CASK: variants seen among roughly 807,000 people sequenced by gnomAD.
CASK encodes calcium/calmodulin dependent serine protein kinase, also known as peripheral plasma membrane protein CASK.
A neutral mutation model predicts 82.9 loss-of-function variants in CASK; 4 were observed. That is an observed-to-expected ratio of 0.05 (90% CI 0.02 to 0.11). The LOEUF is 0.11. Ranked by LOEUF, CASK falls within the 10% of genes least tolerant of loss-of-function variation. The pLI, the probability that CASK is intolerant of heterozygous loss-of-function variation, is 1.00. For missense variants in CASK, 358 were observed against 720.9 expected (o/e 0.50, Z 5.76); for synonymous variants, 259 against 253.5 (o/e 1.02, Z -0.20).
At chrX:41,756,224 C>A (rs888571805) in intron 3 of CASK, among the ~76,000 whole-genome samples, 3 of 111,968 alleles carry the variant, frequency 2.7e-5, no homozygotes, top group African/African-American at 9.7e-5. Context: ...GGACAGACAA[C>A]AGCACAGTAG....
In CASK at chrX:41,892,222, A is replaced by AT. The variant is rs753034665; in HGVS notation, c.59+30707dup. On this transcript the variant is annotated intron_variant, in intron 1 of 26. Coordinates refer to ENST00000378163, the MANE Select transcript of CASK (RefSeq NM_001367721.1). ...AAAGACACAAAATAGTTCAACGAGA[A>AT]TTTTTTTTTTTTTTTTTTTGGCCAA... Among the ~76,000 whole-genome samples the AT allele has an allele frequency of 5.5e-3, 492 of 90,218 alleles. 1 individual carries two copies. The highest frequency in any genetic ancestry group is 0.016 in the East Asian group (46 of 2,946). 78.3% of individuals were successfully genotyped at this position (90,218 alleles called of 115,157 possible). A position where few individuals can be genotyped will look rare whatever the true frequency, so the allele number is the denominator to read the frequency against.
At chrX:41,812,312 C>G (rs1289914835) in intron 2 of CASK, among the ~76,000 whole-genome samples, 3 of 111,799 alleles carry the variant, frequency 2.7e-5, no homozygotes, top group Admixed American at 9.5e-5. Context: ...GACCAATATC[C>G]CTGATGAACA....
chrX:41,589,941 T>C lies in CASK; in HGVS notation c.1156-349A>G, dbSNP rs2065718185. ...ATGAATACAGAGTAAAATGAAAGAA[T>C]GCTTTCTGGCCAAGGCACGTCTACA... is the stretch of plus-strand genomic sequence containing the variant. On this transcript the variant is annotated intron_variant, in intron 12 of 26. Transcript: ENST00000378163. 8 of 205,542 alleles carry C rather than the reference T, an allele frequency of 3.9e-5. No individual in the cohort carries two copies. The South Asian group carries it at 5.9e-4, about 15-fold the overall frequency. The allele number at this position is 205,542 out of a possible 1,213,427, so 16.9% of individuals were successfully genotyped here. A position where few individuals can be genotyped will look rare whatever the true frequency, so the allele number is the denominator to read the frequency against.
intron 5 of CASK, among the ~76,000 whole-genome samples, chrX:41,733,450 T>C (rs2068439985): frequency 9.0e-6 from 1 of 111,475 alleles, no homozygotes; most frequent in Admixed American, 9.6e-5. Flanking sequence ...AATGTTAATA[T>C]AATAATAAAG....
At chrX:41,696,685 G>C (rs776900804) in intron 5 of CASK, 1 of 1,208,721 alleles carries the variant, frequency 8.3e-7, no homozygotes, top group East Asian at 3.0e-5. Context: ...GGTGAACCAA[G>C]TAGGAGTGAA....
At chrX:41,761,812 T>C (rs1602584295) in intron 3 of CASK, among the ~76,000 whole-genome samples, 1 of 112,218 alleles carries the variant, frequency 8.9e-6, no homozygotes, top group Non-Finnish European at 1.9e-5. Context: ...ACTCTTTACA[T>C]AGACAAAAGC....
intron 2 of CASK, among the ~76,000 whole-genome samples, chrX:41,821,171 CA>C (rs971836100): frequency 9.0e-6 from 1 of 111,516 alleles, no homozygotes. Flanking sequence ...AACATATTTG[CA>C]ATATGTATAT....
Position 41,557,042 on chromosome X carries a change from T to C in CASK, c.1796A>G (p.Asn599Ser). The C allele has an allele frequency of 8.3e-7, 1 of 1,208,157 alleles. No individual in the cohort carries two copies. Among genetic ancestry groups the C allele is most frequent in the South Asian group, 1.8e-5 (1 of 56,904 alleles). Residue 599 changes from asparagine (N) to serine (S), a missense_variant, in exon 19 of 27, where the codon AAT becomes AGT. By Grantham distance (46) the Asn-to-Ser change is conservative. This residue lies in a region of CASK where 41 missense variants were observed against 39.4 expected (regional missense o/e 1.04). Transcript: ENST00000378163. ...SPANGHSSTN[N>S]SVSDLPSTTQ... ...AGCTAAAGTTCTTACCGAAACAGAA[T>C]TGTTAGTGCTGCTATGACCATTAGC... is the stretch of plus-strand genomic sequence containing the variant.
At chrX:41,612,846 T>C (rs1243325065) in intron 11 of CASK, among the ~76,000 whole-genome samples, 1 of 83,444 alleles carries the variant, frequency 1.2e-5, no homozygotes. Flanking sequence ...GAGGAGCCCC[T>C]CTGCCTGGCC....
chrX:41,915,990 A>AACACACACACACACACAC (rs200862362), intron 1 of CASK, among the ~76,000 whole-genome samples: 1 of 105,248 alleles, frequency 9.5e-6, no homozygotes, highest in Non-Finnish European at 2.0e-5. Context: ...TCCGTCTCAA[A>AACACACACACACACACAC]ACACACACAC....
At chrX:41,560,089 T>C (rs2147152019) in intron 17 of CASK, among the ~76,000 whole-genome samples, 2 of 111,866 alleles carry the variant, frequency 1.8e-5, no homozygotes, top group African/African-American at 3.2e-5. Flanking sequence ...TCACAGATCT[T>C]CAATGGTCAC....
At chrX:41,701,717 T>C (rs184742811) in intron 5 of CASK, among the ~76,000 whole-genome samples, 17 of 111,991 alleles carry the variant, frequency 1.5e-4, no homozygotes, top group Non-Finnish European at 2.6e-4. Flanking sequence ...GTAGTAAGTT[T>C]GTTCGAAACT....
intron 1 of CASK, among the ~76,000 whole-genome samples, chrX:41,901,925 T>G (rs375806938): frequency 1.8e-5 from 2 of 111,608 alleles, no homozygotes; most frequent in Admixed American, 1.9e-4. Context: ...GGACGCAGGC[T>G]TGGTGCCTGG....
intron 18 of CASK, 104 bp downstream of exon 18, chrX:41,559,675 A>G: frequency 1.5e-6 from 1 of 679,895 alleles, no homozygotes; most frequent in Non-Finnish European, 2.4e-6. Context: ...GTGATCTAAC[A>G]GCACAGGCAG....
intron 3 of CASK, among the ~76,000 whole-genome samples, chrX:41,771,579 A>G (rs2069245544): frequency 1.8e-5 from 2 of 112,049 alleles, no homozygotes; most frequent in Non-Finnish European, 3.8e-5. Context: ...CATGTTCTAC[A>G]GTACTTGCAC....
At chrX:41,891,618 G>A (rs2072172178) in intron 1 of CASK, among the ~76,000 whole-genome samples, 1 of 111,530 alleles carries the variant, frequency 9.0e-6, no homozygotes, top group Non-Finnish European at 1.9e-5. Context: ...CTCTTTAGCA[G>A]ACCAGTTGTA....
intron 2 of CASK, among the ~76,000 whole-genome samples, chrX:41,850,134 T>C (rs1235638173): frequency 8.9e-6 from 1 of 112,016 alleles, no homozygotes; most frequent in East Asian, 2.8e-4. Flanking sequence ...TGAGCCATGA[T>C]TGCACCACTG....
intron 2 of CASK, among the ~76,000 whole-genome samples, chrX:41,819,162 C>T (rs940661054): frequency 1.8e-5 from 2 of 111,275 alleles, no homozygotes; most frequent in African/African-American, 6.5e-5. Context: ...AAATGATAAA[C>T]TGGAGTTTGT....
intron 2 of CASK, among the ~76,000 whole-genome samples, chrX:41,799,153 A>G (rs1247277679): frequency 1.8e-5 from 2 of 112,619 alleles, no homozygotes; most frequent in African/African-American, 3.2e-5. Context: ...TCAATTTTCA[A>G]TTTCAATTCA....
Sources: gnomAD v4.1 joint callset for allele counts (sites outside exome capture counted in the v4.1 genomes callset) on GRCh38, gnomAD v4.1.1 for gene constraint, gnomAD v4.1.1 regional missense constraint, MANE v1.5 for transcripts, NCBI Gene and HGNC (gene_info 2026-07-23, HGNC 2026-07-21) for gene names.